Variants in PBX1 observed in about 807,000 individuals in gnomAD.
PBX1 encodes the protein PBX homeobox 1.
A neutral mutation model predicts 53.4 loss-of-function variants in PBX1; 6 were observed. That is an observed-to-expected ratio of 0.11 (90% CI 0.06 to 0.22). The LOEUF is 0.22. Among genes scored for constraint, PBX1 ranks in the 10% least tolerant of loss-of-function variants. The pLI is 1.00. For missense variants in PBX1, 251 were observed against 551.4 expected (o/e 0.46, Z 5.46); for synonymous variants, 204 against 212.3 (o/e 0.96, Z 0.34).
chr1:164,701,902 A>G (rs1663143624), intron 2 of PBX1, among the ~76,000 whole-genome samples: 1 of 152,200 alleles, frequency 6.6e-6, no homozygotes, highest in Non-Finnish European at 1.5e-5. Flanking sequence ...GAGACCCACA[A>G]CCTTTTGGTC....
intron 3 of PBX1, among the ~76,000 whole-genome samples, chr1:164,795,088 G>A (rs760547922): frequency 2.3e-4 from 35 of 152,276 alleles, no homozygotes; most frequent in Middle Eastern, 3.4e-3. Flanking sequence ...TGACATAACG[G>A]CACTTGCTCC....
intron 3 of PBX1, among the ~76,000 whole-genome samples, chr1:164,798,786 G>T (rs4480332): frequency 0.23 from 35,674 of 152,168 alleles, 4,541 homozygotes; most frequent in East Asian, 0.29. Flanking sequence ...GTTTCTGTAA[G>T]ACCCCTGGGG....
intron 6 of PBX1, chr1:164,816,028 G>A (rs903912163): frequency 6.6e-6 from 1 of 152,070 alleles, no homozygotes; most frequent in African/African-American, 2.4e-5. Context: ...AAATCCACAG[G>A]AATTCTTATA....
At chr1:164,625,858 C>A in intron 2 of PBX1, 1 of 809,156 alleles carries the variant, frequency 1.2e-6, no homozygotes, top group Non-Finnish European at 1.5e-6. Flanking sequence ...TATCCCATTC[C>A]CCCACCCTCC....
chr1:164,811,219 C>T (rs1472490199), intron 5 of PBX1, among the ~76,000 whole-genome samples: 1 of 152,176 alleles, frequency 6.6e-6, no homozygotes, highest in Non-Finnish European at 1.5e-5. Flanking sequence ...CCACTTGTGT[C>T]TGGCAGAGGT....
intron 2 of PBX1, among the ~76,000 whole-genome samples, chr1:164,605,823 A>G (rs1656509836): frequency 1.3e-5 from 2 of 152,200 alleles, no homozygotes; most frequent in African/African-American, 4.8e-5. Context: ...ACCAATTCCA[A>G]TTTATACTCT....
intron 2 of PBX1, among the ~76,000 whole-genome samples, chr1:164,691,076 G>A (rs1662451141): frequency 6.8e-6 from 1 of 147,182 alleles, no homozygotes; most frequent in Non-Finnish European, 1.5e-5. Context: ...GTGCAGTGGT[G>A]CAATCTCGGC....
chr1:164,799,921 C>T (rs752769750), intron 4 of PBX1, 32 bp downstream of exon 4: 10 of 1,571,362 alleles, frequency 6.4e-6, no homozygotes, highest in South Asian at 2.3e-5. Flanking sequence ...CCTGCCCTCT[C>T]TGGGAGTCCC....
chr1:164,758,852 A>G lies in PBX1; in HGVS notation c.266-33642A>G, dbSNP rs1383346895. Among the ~76,000 whole-genome samples the G allele has an allele frequency of 5.3e-5, 8 of 152,296 alleles. No homozygotes were observed. The East Asian group carries it at 1.5e-3, about 29-fold the overall frequency. On this transcript the variant is annotated intron_variant, in intron 2 of 8. Coordinates refer to ENST00000420696, the MANE Select transcript of PBX1 (RefSeq NM_002585.4). Reference sequence around the variant, plus strand: ...CCTAGCATCGTGTCTGGCACATAGTAGGTACTCACTAAATACTTGCTGAAT... The same window carrying G: ...CCTAGCATCGTGTCTGGCACATAGTGGGTACTCACTAAATACTTGCTGAAT...
chr1:164,716,954 T>C (rs981776872), intron 2 of PBX1, among the ~76,000 whole-genome samples: 1 of 152,080 alleles, frequency 6.6e-6, no homozygotes, highest in Non-Finnish European at 1.5e-5. Flanking sequence ...TCAGGGTGTT[T>C]GTGGTGGGGA....
At chr1:164,820,573 A>G (rs543254711) in intron 7 of PBX1, among the ~76,000 whole-genome samples, 1 of 152,284 alleles carries the variant, frequency 6.6e-6, no homozygotes, top group East Asian at 1.9e-4. Context: ...TATTTACCAT[A>G]TAAAGAGGCA....
intron 2 of PBX1, among the ~76,000 whole-genome samples, chr1:164,742,162 G>A (rs1172681110): frequency 6.6e-6 from 1 of 152,144 alleles, no homozygotes; most frequent in East Asian, 1.9e-4. Flanking sequence ...TCTATCTCAG[G>A]TAGGGAAAGA....
At chr1:164,871,200 C>T (rs749050338) in intron 2 of PBX1, among the ~76,000 whole-genome samples, 1 of 152,088 alleles carries the variant, frequency 6.6e-6, no homozygotes, top group Non-Finnish European at 1.5e-5. Context: ...AGTAAGGTTA[C>T]AAAAATTGTA....
At chr1:164,704,998 A>G (rs947562777) in intron 2 of PBX1, among the ~76,000 whole-genome samples, 1 of 152,208 alleles carries the variant, frequency 6.6e-6, no homozygotes, top group African/African-American at 2.4e-5. Flanking sequence ...TTTTGAGGGA[A>G]ATCATTTGAG....
At chr1:164,569,154 A>C (rs960517519) in intron 2 of PBX1, among the ~76,000 whole-genome samples, 7 of 152,208 alleles carry the variant, frequency 4.6e-5, no homozygotes, top group African/African-American at 7.2e-5. Context: ...TTGCTTAAAT[A>C]ATTTTATGAT....
intron 2 of PBX1, among the ~76,000 whole-genome samples, chr1:164,723,167 G>A (rs1664501416): frequency 6.6e-6 from 1 of 152,156 alleles, no homozygotes; most frequent in Non-Finnish European, 1.5e-5. Context: ...TTATGCATCT[G>A]TCACCCCCAA....
At chr1:164,746,239 T>C (rs943100113) in intron 2 of PBX1, among the ~76,000 whole-genome samples, 1 of 152,244 alleles carries the variant, frequency 6.6e-6, no homozygotes, top group Admixed American at 6.5e-5. Flanking sequence ...GGTATAGTTA[T>C]AAGAAGTACC....
At chr1:164,881,190 A>G (rs1672638299) in intron 2 of PBX1, among the ~76,000 whole-genome samples, 1 of 152,166 alleles carries the variant, frequency 6.6e-6, no homozygotes, top group African/African-American at 2.4e-5. Flanking sequence ...CTGGGGGAGA[A>G]CAGCTCACCC....
intron 8 of PBX1, among the ~76,000 whole-genome samples, chr1:164,845,267 C>T (rs1246507720): frequency 1.3e-5 from 2 of 151,916 alleles, no homozygotes; most frequent in East Asian, 1.9e-4. Flanking sequence ...TGTTCTCAGT[C>T]GTGAACCGGG....
Sources: gnomAD v4.1 joint callset for allele counts (sites outside exome capture counted in the v4.1 genomes callset) on GRCh38, gnomAD v4.1.1 for gene constraint, MANE v1.5 for transcripts, NCBI Gene and HGNC (gene_info 2026-07-23, HGNC 2026-07-21) for gene names.